SPDYE12: variants seen among roughly 807,000 people sequenced by gnomAD.
The protein encoded by SPDYE12 is speedy/RINGO cell cycle regulator family member E12.
the SPDYE12 span, among the ~76,000 whole-genome samples, chr7:74,908,740 C>T: frequency 8.6e-6 from 1 of 115,656 alleles, no homozygotes; most frequent in African/African-American, 3.3e-5. Context: ...GTGGTGCGAT[C>T]TCGGCTCACT....
chr7:74,907,021 G>T, the SPDYE12 span: 33 of 1,587,206 alleles, frequency 2.1e-5, 1 homozygote, highest in East Asian at 6.9e-4. Flanking sequence ...ATGAGAGCGG[G>T]TCTCCTCGTA....
At chr7:74,911,009 G>C in the SPDYE12 span, 11 of 803,160 alleles carry the variant, frequency 1.4e-5, no homozygotes, top group Non-Finnish European at 2.2e-5. Context: ...TTGTGGCTGC[G>C]GGTGAGGTGG....
At chr7:74,909,457 A>C in the SPDYE12 span, 2 of 1,043,828 alleles carry the variant, frequency 1.9e-6, no homozygotes, top group Non-Finnish European at 1.5e-6. Flanking sequence ...AAAGGCTGGA[A>C]TCCCACTTCC....
At chr7:74,904,745 A>G in the SPDYE12 span, among the ~76,000 whole-genome samples, 4 of 150,656 alleles carry the variant, frequency 2.7e-5, no homozygotes, top group African/African-American at 9.7e-5. Context: ...CTATTCAAAA[A>G]TACCAGTATT....
At chr7:74,914,940 A>C in the SPDYE12 span, among the ~76,000 whole-genome samples, 8 of 26,402 alleles carry the variant, frequency 3.0e-4, no homozygotes, top group Admixed American at 7.6e-4. Context: ...AAAAAACAAA[A>C]AAAAAACAAA....
chr7:74,907,907 GC>G, the SPDYE12 span, among the ~76,000 whole-genome samples: 1 of 148,144 alleles, frequency 6.8e-6, no homozygotes, highest in Non-Finnish European at 1.5e-5. Flanking sequence ...AGGGGACAGG[GC>G]AAGTCTGTCT....
the SPDYE12 span, chr7:74,909,510 C>A: frequency 6.5e-7 from 1 of 1,542,010 alleles, no homozygotes; most frequent in Non-Finnish European, 8.9e-7. Flanking sequence ...TAGGAGGCAG[C>A]AAACCACTCA....
the SPDYE12 span, among the ~76,000 whole-genome samples, chr7:74,910,349 C>T: frequency 1.3e-5 from 2 of 150,700 alleles, no homozygotes; most frequent in African/African-American, 4.9e-5. Context: ...GGGAGCAGAG[C>T]TGGACTCTTG....
At chr7:74,909,015 G>A in the SPDYE12 span, among the ~76,000 whole-genome samples, 10,373 of 114,164 alleles carry the variant, frequency 0.091, 1,529 homozygotes, top group African/African-American at 0.31. Context: ...TGGCATTGGA[G>A]TTTGGTTTTT....
chr7:74,909,379 C>T, the SPDYE12 span: 2 of 1,438,758 alleles, frequency 1.4e-6, no homozygotes, highest in African/African-American at 2.8e-5. Flanking sequence ...AAATAACAGT[C>T]TAAGATACTA....
chr7:74,905,961 C>A, the SPDYE12 span, among the ~76,000 whole-genome samples: 91 of 149,464 alleles, frequency 6.1e-4, no homozygotes, highest in Middle Eastern at 7.0e-3. Context: ...TTTGGTGACC[C>A]TGACTCCAAA....
the SPDYE12 span, among the ~76,000 whole-genome samples, chr7:74,915,020 T>C: frequency 6.6e-6 from 1 of 151,636 alleles, no homozygotes; most frequent in Non-Finnish European, 1.5e-5. Flanking sequence ...CTCTCGCTCA[T>C]GGGAAAGGCA....
At chr7:74,909,642 T>A in the SPDYE12 span, 1 of 1,498,376 alleles carries the variant, frequency 6.7e-7, no homozygotes, top group Admixed American at 1.7e-5. Flanking sequence ...GAGGGAGAGG[T>A]CACATCTTGG....
chr7:74,905,905 CTA>C, the SPDYE12 span, among the ~76,000 whole-genome samples: 1 of 137,768 alleles, frequency 7.3e-6, no homozygotes, highest in Middle Eastern at 3.6e-3. Context: ...GCCTTTCATT[CTA>C]TACCCTGCTT....
the SPDYE12 span, among the ~76,000 whole-genome samples, chr7:74,910,413 A>G: frequency 6.7e-6 from 1 of 150,276 alleles, no homozygotes; most frequent in Non-Finnish European, 1.5e-5. Context: ...GGAGCTGGTC[A>G]GACACAGTGC....
At chr7:74,908,721 T>C in the SPDYE12 span, among the ~76,000 whole-genome samples, 1 of 119,480 alleles carries the variant, frequency 8.4e-6, no homozygotes, top group Non-Finnish European at 1.6e-5. Context: ...TCGCCCAGGC[T>C]GGAGTGCAGT....
At chr7:74,904,683 A>G in the SPDYE12 span, among the ~76,000 whole-genome samples, 6 of 151,190 alleles carry the variant, frequency 4.0e-5, no homozygotes, top group Admixed American at 1.3e-4. Context: ...AATTATATGT[A>G]TGTGTATACA....
At chr7:74,907,425 G>A in the SPDYE12 span, among the ~76,000 whole-genome samples, 15 of 151,252 alleles carry the variant, frequency 9.9e-5, no homozygotes, top group African/African-American at 3.2e-4. Context: ...CAAGACCCTC[G>A]TCTCTATTAA....
chr7:74,908,780 TCTC>T, the SPDYE12 span, among the ~76,000 whole-genome samples: 2 of 134,972 alleles, frequency 1.5e-5, no homozygotes, highest in Admixed American at 8.4e-5. Context: ...TTCACGCCAT[TCTC>T]CTCCCTCAGT....
Sources: allele counts gnomAD v4.1 joint callset (sites outside exome capture counted in the v4.1 genomes callset), GRCh38; gene constraint gnomAD v4.1.1; transcripts MANE v1.5; gene names NCBI Gene and HGNC (gene_info 2026-07-23, HGNC 2026-07-21).